Variants in CATSPERB observed in about 807,000 individuals in gnomAD.
CATSPERB encodes cation channel sperm-associated auxiliary subunit beta.
Under a neutral mutation model 128.3 loss-of-function variants are expected in CATSPERB, and 93 were observed. That is an observed-to-expected ratio of 0.72 (90% CI 0.61 to 0.86). The LOEUF is 0.86. CATSPERB is among the 40% of genes least tolerant of loss of function. The probability of loss-of-function intolerance (pLI) is 0.00; values close to 1 mark genes in which losing one functional copy is unlikely to be tolerated. For missense variants in CATSPERB, 1,153 were observed against 1,329.5 expected (o/e 0.87, Z 2.06); for synonymous variants, 381 against 448.8 (o/e 0.85, Z 1.91).
At chr14:91,707,856 C>T (rs1056333081) in intron 6 of CATSPERB, among the ~76,000 whole-genome samples, 1 of 151,432 alleles carries the variant, frequency 6.6e-6, no homozygotes, top group African/African-American at 2.4e-5. Context: ...ATCTGCCCAC[C>T]TCGGCCTCCC....
chr14:91,713,720 C>T (rs557646091), intron 5 of CATSPERB, among the ~76,000 whole-genome samples: 22 of 152,316 alleles, frequency 1.4e-4, no homozygotes, highest in African/African-American at 4.6e-4. Flanking sequence ...CAGATACCTT[C>T]ACTGGTTAAT....
intron 22 of CATSPERB, among the ~76,000 whole-genome samples, chr14:91,604,176 A>G (rs1447010132): frequency 6.6e-6 from 1 of 152,096 alleles, no homozygotes; most frequent in Non-Finnish European, 1.5e-5. Flanking sequence ...CTACAGGCAC[A>G]TGCCTGTCTT....
At chr14:91,698,439 A>G (rs979508089) in intron 7 of CATSPERB, among the ~76,000 whole-genome samples, 1 of 152,152 alleles carries the variant, frequency 6.6e-6, no homozygotes, top group African/African-American at 2.4e-5. Flanking sequence ...GTTGAATAGA[A>G]GAGGTGAGAG....
intron 15 of CATSPERB, among the ~76,000 whole-genome samples, chr14:91,653,553 T>C (rs542186515): frequency 1.3e-5 from 2 of 152,268 alleles, no homozygotes; most frequent in African/African-American, 4.8e-5. Flanking sequence ...CTCACAATCA[T>C]GGCAGAGGGT....
At chr14:91,588,120 T>C (rs1893336154) in intron 24 of CATSPERB, 42 bp from the exon 25 acceptor site, 1 of 1,288,506 alleles carries the variant, frequency 7.8e-7, no homozygotes, top group Non-Finnish European at 1.1e-6. Context: ...CTTATTTTTC[T>C]CATTTTGTAT....
intron 2 of CATSPERB, 113 bp downstream of exon 2, chr14:91,729,288 A>G (rs2139785871): frequency 2.1e-6 from 1 of 481,298 alleles, no homozygotes; most frequent in East Asian, 3.4e-5. Context: ...AAACAATTGG[A>G]AGATAAGATA....
intron 20 of CATSPERB, among the ~76,000 whole-genome samples, chr14:91,615,662 A>G (rs777271031): frequency 1.1e-4 from 16 of 152,196 alleles, no homozygotes; most frequent in Admixed American, 2.0e-4. Flanking sequence ...TACATTGTGT[A>G]TATATTCCTG....
In CATSPERB at chr14:91,693,464, A is replaced by G; in HGVS notation, c.632T>C (p.Ile211Thr). 1.2e-6 allele frequency: 2 copies of G among 1,613,790 alleles called. No homozygotes were observed. Among genetic ancestry groups the G allele is most frequent in the South Asian group, 2.2e-5 (2 of 91,018 alleles). Residue 211 changes from isoleucine (I) to threonine (T), a missense_variant, in exon 8 of 27, where the codon ATA (isoleucine) becomes ACA (threonine). Transcript: ENST00000256343. ...DTIVDGVYIGITFGGFWHDYD... is the reference protein window; with the variant it reads ...DTIVDGVYIGTTFGGFWHDYD... ...ATCATGCCAGAATCCACCAAAGGTT[A>G]TGCCTATGTAAACACCTACCATGAA...
chr14:91,587,379 A>C, intron 25 of CATSPERB, 103 bp from the exon 26 acceptor site: 2 of 667,452 alleles, frequency 3.0e-6, no homozygotes, highest in Non-Finnish European at 4.7e-6. Flanking sequence ...TAGATGCTGC[A>C]TGAAAAGATT....
chr14:91,619,727 T>G (rs1323370107), intron 19 of CATSPERB, among the ~76,000 whole-genome samples: 1 of 152,132 alleles, frequency 6.6e-6, no homozygotes, highest in Non-Finnish European at 1.5e-5. Flanking sequence ...GTCATTTCCT[T>G]ACATAGTTTT....
intron 14 of CATSPERB, among the ~76,000 whole-genome samples, chr14:91,660,764 T>C (rs957231370): frequency 6.6e-6 from 1 of 152,210 alleles, no homozygotes; most frequent in African/African-American, 2.4e-5. Flanking sequence ...ATCCAAACAA[T>C]TCTCCTTTTA....
At chr14:91,724,095 A>T (rs1243222845) in intron 3 of CATSPERB, among the ~76,000 whole-genome samples, 1 of 152,164 alleles carries the variant, frequency 6.6e-6, no homozygotes, top group African/African-American at 2.4e-5. Context: ...ACTTTTTTTT[A>T]AAATGCCTGA....
At chr14:91,678,214 G>A (rs1190674416) in intron 11 of CATSPERB, among the ~76,000 whole-genome samples, 1 of 152,170 alleles carries the variant, frequency 6.6e-6, no homozygotes, top group Non-Finnish European at 1.5e-5. Flanking sequence ...TACACGTTCT[G>A]CACTTGTATC....
intron 3 of CATSPERB, among the ~76,000 whole-genome samples, chr14:91,723,820 T>C (rs1400557825): frequency 6.8e-6 from 1 of 147,058 alleles, no homozygotes; most frequent in African/African-American, 2.5e-5. Flanking sequence ...TCTCTGCCCC[T>C]GTGGAATTAA....
At chr14:91,613,056 T>G (rs1457160638) in intron 20 of CATSPERB, among the ~76,000 whole-genome samples, 3 of 152,208 alleles carry the variant, frequency 2.0e-5, no homozygotes, top group Admixed American at 2.0e-4. Context: ...GATTATGAAC[T>G]ACATTTTATA....
At chr14:91,650,689 T>TATCC (rs56395311) in intron 15 of CATSPERB, among the ~76,000 whole-genome samples, 29,552 of 150,820 alleles carry the variant, frequency 0.2, 3,074 homozygotes, top group South Asian at 0.25. Context: ...TTTTTGTATT[T>TATCC]ATCCATCCAT....
intron 11 of CATSPERB, among the ~76,000 whole-genome samples, chr14:91,680,060 G>A (rs1895253833): frequency 6.6e-6 from 1 of 152,156 alleles, no homozygotes; most frequent in Admixed American, 6.5e-5. Flanking sequence ...ATAGGACACA[G>A]GACAAGCCTG....
chr14:91,729,401 CT>C lies in CATSPERB; in HGVS notation c.78del (p.Asp27MetfsTer20). 1.5e-6 allele frequency: 2 copies of C among 1,356,034 alleles called. No individual in the cohort carries two copies. The highest frequency in any genetic ancestry group is 2.0e-6 in the Non-Finnish European group (2 of 975,684). 84.0% of individuals were successfully genotyped at this position (1,356,034 alleles called of 1,614,324 possible). ...GAGAGTAAGATGGTCTGAAACTTAC[CT>C]TTATTATATACTATTCCTGATGAAA... Reference protein sequence around the residue: ...FEFSSGIVYNKDDTEKRFACS... With the variant: ...FEFSSGIVYNXDDTEKRFACS... On this transcript the variant is annotated frameshift_variant and splice_region_variant, in exon 2 of 27. Transcript: ENST00000256343. LOFTEE classifies it high-confidence loss of function.
In CATSPERB at chr14:91,708,227, G is replaced by A. The variant is rs1028319810; in HGVS notation, c.380C>T (p.Ala127Val). 15 of 1,599,058 alleles carry A rather than the reference G, an allele frequency of 9.4e-6. No homozygotes were observed. Among genetic ancestry groups the A allele is most frequent in the Non-Finnish European group, 1.2e-5 (14 of 1,170,562 alleles). The change falls in exon 6 of 27, where the codon GCT becomes GTT. Residue 127 changes from alanine to valine, a missense_variant. Coordinates refer to ENST00000256343, the MANE Select transcript of CATSPERB (RefSeq NM_024764.4). ...GATTCTTACTAACCATTCTTCTACA[G>A]CTGCAATATCTGTTTGAAAACAAAA... ...ENITQSTDIA[A>V]VEEWLVRITL... is the part of the protein sequence containing the mutation.
Sources: gnomAD v4.1 joint callset for allele counts (sites outside exome capture counted in the v4.1 genomes callset) on GRCh38, gnomAD v4.1.1 for gene constraint, MANE v1.5 for transcripts, NCBI Gene and HGNC (gene_info 2026-07-23, HGNC 2026-07-21) for gene names.